Variants in TGIF1 observed in about 807,000 individuals in gnomAD.
TGIF1 encodes the protein TGFB induced factor homeobox 1.
Under a neutral mutation model 19.3 loss-of-function variants are expected in TGIF1, and 4 were observed. The ratio of observed to expected loss-of-function variants is 0.21; its 90% confidence interval spans 0.10 to 0.47. The LOEUF (loss-of-function observed/expected upper bound fraction) is 0.47, where lower values mean the gene tolerates loss of function less well. Among genes scored for constraint, TGIF1 ranks in the 20% least tolerant of loss-of-function variants. The pLI is 0.98. For missense variants in TGIF1, 275 were observed against 341.4 expected, an observed-to-expected ratio of 0.81 and a Z score of 1.53; for synonymous variants, 122 against 129.3, an observed-to-expected ratio of 0.94 and a Z score of 0.38.
chr18:3,449,071 G>T (rs943782257), upstream of TGIF1, among the ~76,000 whole-genome samples: 1 of 152,140 alleles, frequency 6.6e-6, no homozygotes, highest in African/African-American at 2.4e-5. Flanking sequence ...AGAGGAGGGG[G>T]CATGCGTTTC....
chr18:3,436,403 T>C (rs1409103799), intron 2 of TGIF1, among the ~76,000 whole-genome samples: 1 of 152,196 alleles, frequency 6.6e-6, no homozygotes, highest in Non-Finnish European at 1.5e-5. Context: ...TGAAGCTGAA[T>C]CCCAGAAGAG....
chr18:3,421,668 G>A (rs762616529), intron 2 of TGIF1, among the ~76,000 whole-genome samples: 10 of 151,718 alleles, frequency 6.6e-5, no homozygotes, highest in East Asian at 3.9e-4. Context: ...CATCTCGGCC[G>A]CCTAAAGTGT....
chr18:3,419,775 G>A (rs2082377290), intron 2 of TGIF1, among the ~76,000 whole-genome samples: 1 of 152,234 alleles, frequency 6.6e-6, no homozygotes, highest in African/African-American at 2.4e-5. Flanking sequence ...GGAGGCCAAG[G>A]CGAGTGGATC....
intron 2 of TGIF1, among the ~76,000 whole-genome samples, chr18:3,431,262 CA>C (rs1391316015): frequency 1.3e-5 from 2 of 152,108 alleles, no homozygotes; most frequent in Non-Finnish European, 2.9e-5. Flanking sequence ...GCCTGACCAA[CA>C]TAGTGAAACT....
At chr18:3,435,783 C>T (rs1022002161) in intron 2 of TGIF1, among the ~76,000 whole-genome samples, 3 of 152,178 alleles carry the variant, frequency 2.0e-5, no homozygotes, top group Non-Finnish European at 4.4e-5. Context: ...ATGAGTTGCT[C>T]TCTCACTAGC....
upstream of TGIF1, chr18:3,447,696 GT>G (rs983367809): frequency 9.3e-6 from 15 of 1,612,710 alleles, no homozygotes; most frequent in Non-Finnish European, 1.3e-5. Context: ...TTGTGCCAGT[GT>G]TTCTCTTTGG....
intron 2 of TGIF1, among the ~76,000 whole-genome samples, chr18:3,422,678 T>TTGTTTTTTTG (rs1323518397): frequency 3.6e-5 from 1 of 28,054 alleles, no homozygotes; most frequent in Non-Finnish European, 1.1e-4. Context: ...GTGGCCTTTT[T>TTGTTTTTTTG]TTTTTTTTTT....
chr18:3,451,193 T>A lies in TGIF1; in HGVS notation c.16+688T>A, dbSNP rs1338600520. On this transcript the variant is annotated intron_variant, in intron 1 of 2. Transcript: ENST00000343820. The surrounding 1 kb of genome is among the most constrained non-coding windows in gnomAD (Gnocchi z 5.4). ...GAGTTAGCACCCAGGGCCAGCAGCTTCAAGCGGCATGCAGTCAAAATGCGT... is the reference window on the plus strand; with the variant it reads ...GAGTTAGCACCCAGGGCCAGCAGCTACAAGCGGCATGCAGTCAAAATGCGT... 6.6e-6 allele frequency among the ~76,000 whole-genome samples: 1 copy of A among 152,176 alleles called. No homozygotes were observed. The highest frequency in any genetic ancestry group is 2.4e-5 in the African/African-American group (1 of 41,440).
At chr18:3,414,657 C>T (rs2143100612) in intron 1 of TGIF1, among the ~76,000 whole-genome samples, 1 of 152,298 alleles carries the variant, frequency 6.6e-6, no homozygotes, top group East Asian at 1.9e-4. Flanking sequence ...GTCCAGTTTC[C>T]TTTTACCAAC....
chr18:3,415,097 C>G lies in TGIF1; in HGVS notation c.-118+2843C>G, dbSNP rs112795998. Reference sequence around the variant, plus strand: ...CACCACCTCTGTCCTGGAGAAGAAGCCATATTTGGTCTCCCTCAATGGCTG... The same window carrying G: ...CACCACCTCTGTCCTGGAGAAGAAGGCATATTTGGTCTCCCTCAATGGCTG... On this transcript the variant is annotated intron_variant, in intron 1 of 3. Coordinates refer to the TGIF1 transcript ENST00000401449. 1.5e-4 allele frequency: 23 copies of G among 157,212 alleles called. No homozygotes were observed. In the East Asian group the frequency reaches 3.8e-3, roughly 26 times the overall value. 9.7% of individuals were successfully genotyped at this position (157,212 alleles called of 1,614,324 possible). A position where few individuals can be genotyped will look rare whatever the true frequency, so the allele number is the denominator to read the frequency against.
chr18:3,449,431 G>A (rs2082827385), upstream of TGIF1: 1 of 985,364 alleles, frequency 1.0e-6, no homozygotes, highest in South Asian at 4.7e-5. Context: ...AGCGTGACAA[G>A]TGTCTGTCCG....
In TGIF1 at chr18:3,457,965, C is replaced by T. The variant is rs370491897; in HGVS notation, c.*25C>T. 9.7e-5 allele frequency: 154 copies of T among 1,592,118 alleles called. No individual in the cohort carries two copies. The highest frequency in any genetic ancestry group is 1.2e-4 in the Non-Finnish European group (142 of 1,173,120). On this transcript the variant is annotated 3_prime_UTR_variant, in exon 3 of 3. Transcript: ENST00000343820. The surrounding 1 kb of genome is among the most constrained non-coding windows in gnomAD (Gnocchi z 4.9). The stretch of plus-strand genomic sequence containing the variant: ...ACCCATTTTCAAGCAAAACAGTTCT[C>T]AGAAATGTCATGATTGCCGGGGTGA...
chr18:3,449,306 T>C (rs1354020111), upstream of TGIF1: 1 of 801,670 alleles, frequency 1.2e-6, no homozygotes, highest in Non-Finnish European at 1.5e-6. Context: ...TGGTCACCCC[T>C]TAGCTATAAA....
rs561351835 is a variant in TGIF1 at position 3,428,925 on chromosome 18, C to A, written c.-45+10710C>A. On this transcript the variant is annotated intron_variant, in intron 2 of 3. Coordinates refer to the TGIF1 transcript ENST00000401449. The stretch of plus-strand genomic sequence containing the variant: ...AAAATAAGCCGAGCATGGCGGCGTG[C>A]CCCTGTAGTCCCAGCTACTCAGGAG... Among the ~76,000 whole-genome samples, 5 of 152,110 alleles carry A rather than the reference C, an allele frequency of 3.3e-5. No homozygotes were observed. In the South Asian group the frequency reaches 1.0e-3, roughly 32 times the overall value.
chr18:3,424,021 G>T (rs753440491), intron 2 of TGIF1, among the ~76,000 whole-genome samples: 1 of 152,164 alleles, frequency 6.6e-6, no homozygotes, highest in Non-Finnish European at 1.5e-5. Context: ...ACATTGTGGC[G>T]CTTCCGCAGC....
intron 2 of TGIF1, chr18:3,418,849 G>A (rs1429555786): frequency 1.3e-5 from 2 of 152,276 alleles, no homozygotes; most frequent in African/African-American, 4.8e-5. Context: ...CCTGAGGTCA[G>A]GAGTTTGAGA....
intron 2 of TGIF1, among the ~76,000 whole-genome samples, chr18:3,444,344 C>T (rs1041543394): frequency 7.0e-5 from 10 of 142,990 alleles, no homozygotes; most frequent in African/African-American, 2.5e-4. Context: ...TTTGGTGGTA[C>T]ATGTGAAGGT....
At chr18:3,443,319 A>G (rs1429553346) in intron 2 of TGIF1, among the ~76,000 whole-genome samples, 2 of 152,218 alleles carry the variant, frequency 1.3e-5, no homozygotes, top group Non-Finnish European at 2.9e-5. Flanking sequence ...AGTATTGTTT[A>G]GATTATTGGC....
At chr18:3,414,566 G>A (rs1341337814) in intron 1 of TGIF1, among the ~76,000 whole-genome samples, 2 of 152,060 alleles carry the variant, frequency 1.3e-5, no homozygotes, top group East Asian at 1.9e-4. Context: ...TTCTAGTAAC[G>A]GTCCCTTGGC....
Sources: allele counts gnomAD v4.1 joint callset (sites outside exome capture counted in the v4.1 genomes callset), GRCh38; gene constraint gnomAD v4.1.1; non-coding constraint Gnocchi (gnomAD v3.1); transcripts MANE v1.5; gene names NCBI Gene and HGNC (gene_info 2026-07-23, HGNC 2026-07-21).